Variants in CDH9 observed in about 807,000 individuals in gnomAD.
The protein encoded by CDH9 is cadherin-9.
Under a neutral mutation model 70.9 loss-of-function variants are expected in CDH9, and 28 were observed. That is an observed-to-expected ratio of 0.40 (90% CI 0.29 to 0.54). The LOEUF (loss-of-function observed/expected upper bound fraction) is 0.54. Among genes scored for constraint, CDH9 ranks in the 20% least tolerant of loss-of-function variants. CDH9 has a pLI of 0.59. For synonymous variants in CDH9, 409 were observed against 343.1 expected (o/e 1.19, Z -2.12); for missense variants, 874 against 984.4 (o/e 0.89, Z 1.50).
At chr5:26,971,646 C>G (rs1449920155) in intron 2 of CDH9, among the ~76,000 whole-genome samples, 4 of 152,134 alleles carry the variant, frequency 2.6e-5, no homozygotes, top group Non-Finnish European at 4.4e-5. Flanking sequence ...GTGTACTGAT[C>G]TAACAAATGT....
At chr5:26,967,951 G>A (rs546095070) in intron 2 of CDH9, among the ~76,000 whole-genome samples, 21 of 151,748 alleles carry the variant, frequency 1.4e-4, no homozygotes, top group Admixed American at 1.1e-3. Context: ...GGCCTCAAGC[G>A]ATTCTCTCAT....
chr5:26,895,735 A>C (rs1438000569), intron 7 of CDH9, among the ~76,000 whole-genome samples: 1 of 152,050 alleles, frequency 6.6e-6, no homozygotes, highest in African/African-American at 2.4e-5. Context: ...TTCAGAAAAT[A>C]TATTTGATGA....
At chr5:27,036,620 G>A (rs1028946758) in intron 1 of CDH9, among the ~76,000 whole-genome samples, 4 of 151,730 alleles carry the variant, frequency 2.6e-5, no homozygotes, top group African/African-American at 7.3e-5. Flanking sequence ...AAATCTGTCT[G>A]ACTTTAGTGA....
intron 2 of CDH9, among the ~76,000 whole-genome samples, chr5:26,951,075 T>C (rs771446003): frequency 3.3e-5 from 5 of 151,912 alleles, no homozygotes; most frequent in Non-Finnish European, 7.4e-5. Context: ...GGGCAGATCA[T>C]GAAGTCAGGA....
chr5:26,933,426 T>C (rs1741499203), intron 2 of CDH9, among the ~76,000 whole-genome samples: 2 of 151,522 alleles, frequency 1.3e-5, no homozygotes, highest in Non-Finnish European at 2.9e-5. Flanking sequence ...AAGGAATCAA[T>C]GAAACTAAAA....
At chr5:26,899,150 C>A (rs1740806292) in intron 7 of CDH9, among the ~76,000 whole-genome samples, 1 of 151,960 alleles carries the variant, frequency 6.6e-6, no homozygotes, top group African/African-American at 2.4e-5. Flanking sequence ...GAATGGCAAC[C>A]ATCAAAAAGT....
chr5:26,906,647 A>T (rs1740953666), intron 4 of CDH9, 72 bp downstream of exon 4: 17 of 1,524,142 alleles, frequency 1.1e-5, no homozygotes, highest in East Asian at 2.5e-5. Flanking sequence ...AAAATATTTT[A>T]AAAATCTCTA....
chr5:26,904,542 C>T (rs1740913013), intron 5 of CDH9, among the ~76,000 whole-genome samples: 1 of 152,052 alleles, frequency 6.6e-6, no homozygotes, highest in South Asian at 2.1e-4. Context: ...TCACACTAGT[C>T]CTCAAAGGAC....
At chr5:26,902,776 G>T in intron 6 of CDH9, 47 bp from the exon 7 acceptor site, 1 of 1,108,890 alleles carries the variant, frequency 9.0e-7, no homozygotes, top group Non-Finnish European at 1.3e-6. Flanking sequence ...CAGAAGATAT[G>T]ACAATGAAAG....
intron 2 of CDH9, among the ~76,000 whole-genome samples, chr5:26,948,764 A>G (rs1741796100): frequency 1.3e-5 from 2 of 152,228 alleles, no homozygotes; most frequent in Admixed American, 1.3e-4. Flanking sequence ...TAGGCAATTG[A>G]AACACTTGCT....
intron 1 of CDH9, among the ~76,000 whole-genome samples, chr5:27,037,897 C>T (rs1384630967): frequency 6.6e-6 from 1 of 151,902 alleles, no homozygotes; most frequent in Non-Finnish European, 1.5e-5. Flanking sequence ...AAAGTGATCA[C>T]CTTAATCCTG....
At chr5:26,988,518 T>A in intron 1 of CDH9, 136 bp from the exon 2 acceptor site, 1 of 677,728 alleles carries the variant, frequency 1.5e-6, no homozygotes, top group South Asian at 4.1e-5. Context: ...TCTATATCAG[T>A]GAACGGTCAT....
chr5:26,886,861 C>A (rs1740574560), intron 9 of CDH9, among the ~76,000 whole-genome samples: 1 of 152,136 alleles, frequency 6.6e-6, no homozygotes, highest in Admixed American at 6.6e-5. Flanking sequence ...GGAAAAAGCA[C>A]TGAGCTACAC....
At chr5:26,999,324 C>A (rs1439039533) in intron 1 of CDH9, among the ~76,000 whole-genome samples, 2 of 151,992 alleles carry the variant, frequency 1.3e-5, no homozygotes, top group Admixed American at 1.3e-4. Context: ...ACAAATCATG[C>A]CATATGCAAT....
At chr5:27,005,720 G>A (rs1254844076) in intron 1 of CDH9, among the ~76,000 whole-genome samples, 1 of 152,096 alleles carries the variant, frequency 6.6e-6, no homozygotes, top group Non-Finnish European at 1.5e-5. Flanking sequence ...GTATGTGTAT[G>A]TTCATTGCAG....
At chr5:26,964,101 A>G (rs1240078078) in intron 2 of CDH9, among the ~76,000 whole-genome samples, 4 of 147,090 alleles carry the variant, frequency 2.7e-5, no homozygotes, top group African/African-American at 9.8e-5. Flanking sequence ...TAAAGCTCTC[A>G]TACTGTTTTA....
At chr5:26,982,458 G>T (rs1405384080) in intron 2 of CDH9, among the ~76,000 whole-genome samples, 1 of 151,970 alleles carries the variant, frequency 6.6e-6, no homozygotes. Context: ...AATTTTCTCT[G>T]CTTTTTCTAT....
rs1244767592 is a variant in CDH9 at position 26,885,719 on chromosome 5, T to C, written c.1777A>G (p.Asn593Asp). ...GTGCAGGATTGCATGTTTCCTTGAT[T>C]ATCGCAGGCACACACACGGATAGTG... is the stretch of plus-strand genomic sequence containing the variant. ...TLTIRVCACDNQGNMQSCTAE... is the reference protein window; with the variant it reads ...TLTIRVCACDDQGNMQSCTAE... The change falls in exon 11 of 12, where the codon AAT (asparagine) becomes GAT (aspartate). Residue 593 changes from asparagine (N) to aspartate (D), a missense_variant. Asn to Asp is a conservative substitution (Grantham distance 23, BLOSUM62 1). Coordinates refer to ENST00000231021, the MANE Select transcript of CDH9 (RefSeq NM_016279.4). The C allele has an allele frequency of 6.2e-7, 1 of 1,613,726 alleles. No homozygotes were observed. Among genetic ancestry groups the C allele is most frequent in the Admixed American group, 1.7e-5 (1 of 59,886 alleles).
chr5:26,938,218 G>A (rs1741594814), intron 2 of CDH9, among the ~76,000 whole-genome samples: 1 of 150,746 alleles, frequency 6.6e-6, no homozygotes, highest in Admixed American at 6.6e-5. Flanking sequence ...ATGTAAAAAA[G>A]TGAAAAAGCC....
Sources: allele counts gnomAD v4.1 joint callset (sites outside exome capture counted in the v4.1 genomes callset), GRCh38; gene constraint gnomAD v4.1.1; transcripts MANE v1.5; gene names NCBI Gene and HGNC (gene_info 2026-07-23, HGNC 2026-07-21).